The following PEAK1 variants were observed in gnomAD, a reference collection of about 807,000 sequenced individuals.
The protein encoded by PEAK1 is inactive tyrosine-protein kinase PEAK1.
PEAK1 carries 54 observed loss-of-function variants against 124.7 expected under a neutral mutation model. The ratio of observed to expected loss-of-function variants is 0.43; its 90% CI spans 0.35 to 0.54. PEAK1 has a LOEUF of 0.54. PEAK1 is among the 20% of genes least tolerant of loss of function. The pLI, the probability that PEAK1 is intolerant of heterozygous loss-of-function variation, is 0.01. For missense variants in PEAK1, 2,046 were observed against 2,134.5 expected (o/e 0.96, Z 0.82); for synonymous variants, 719 against 760.0 (o/e 0.95, Z 0.89).
intron 9 of PEAK1, among the ~76,000 whole-genome samples, chr15:77,126,093 C>G (rs2052351677): frequency 6.6e-6 from 1 of 152,192 alleles, no homozygotes; most frequent in South Asian, 2.1e-4. Flanking sequence ...ATTGAAAAGA[C>G]ATTAGGACAT....
At chr15:77,392,305 T>C (rs2070533655) in intron 1 of PEAK1, among the ~76,000 whole-genome samples, 1 of 152,236 alleles carries the variant, frequency 6.6e-6, no homozygotes, top group Non-Finnish European at 1.5e-5. Flanking sequence ...GTTACCTGTG[T>C]AGCTTAGATC....
rs78644286 is a variant in PEAK1, at chr15:77,310,437, A to G, written c.-602-23933T>C. 4.1e-3 allele frequency among the ~76,000 whole-genome samples: 628 copies of G among 152,274 alleles called. 6 individuals are homozygous for G. The highest frequency in any genetic ancestry group is 0.014 in the African/African-American group (597 of 41,556). On this transcript the variant is annotated intron_variant, in intron 2 of 9. Coordinates refer to ENST00000682557, the MANE Select transcript of PEAK1 (RefSeq NM_001385026.1). ...ATCAAAGCACAAAAAATAAACCACAACTAAAAATTAGAGAACAAATGGCTT... is the reference window on the plus strand; with the variant it reads ...ATCAAAGCACAAAAAATAAACCACAGCTAAAAATTAGAGAACAAATGGCTT...
At chr15:77,139,290 G>C (rs529808822) in intron 8 of PEAK1, among the ~76,000 whole-genome samples, 1 of 152,164 alleles carries the variant, frequency 6.6e-6, no homozygotes, top group Non-Finnish European at 1.5e-5. Flanking sequence ...ACCTCCTGAA[G>C]GACATGCCTG....
chr15:77,257,743 T>C (rs2061232383), intron 5 of PEAK1, among the ~76,000 whole-genome samples: 1 of 152,196 alleles, frequency 6.6e-6, no homozygotes, highest in Admixed American at 6.5e-5. Context: ...TAGATCCCAT[T>C]TGTCAATTTT....
At chr15:77,137,115 G>A (rs62008360) in intron 8 of PEAK1, among the ~76,000 whole-genome samples, 11,684 of 152,336 alleles carry the variant, frequency 0.077, 557 homozygotes, top group Non-Finnish European at 0.1. Flanking sequence ...GTCAAGAACT[G>A]GGGTTTGGGA....
rs140186165 is a variant in PEAK1 at position 77,354,260 on chromosome 15, A to G, written c.-603+10903T>C. Among the ~76,000 whole-genome samples, 660 of 152,316 alleles carry G rather than the reference A, an allele frequency of 4.3e-3. 6 individuals carry two copies. The highest frequency in any genetic ancestry group is 0.015 in the African/African-American group (625 of 41,558). On this transcript the variant is annotated intron_variant, in intron 2 of 9. Transcript: ENST00000682557. ...GGAAACAAATAGTGCCACACCCATT[A>G]AATTGCCCAACTTGAGAGTCATCTC...
At chr15:77,314,012 A>T (rs1016372734) in intron 2 of PEAK1, among the ~76,000 whole-genome samples, 1 of 152,088 alleles carries the variant, frequency 6.6e-6, no homozygotes, top group African/African-American at 2.4e-5. Context: ...TGCTGACAGT[A>T]TATACCCTTG....
rs1015850266 is a variant in PEAK1, at chr15:77,351,887, A to G, written c.-603+13276T>C. The G allele has an allele frequency of 2.3e-5, 23 of 985,346 alleles. 1 individual carries two copies. The Admixed American group carries it at 8.6e-4, about 37-fold the overall frequency. 61.0% of individuals were successfully genotyped at this position (985,346 alleles called of 1,614,324 possible). A position where few individuals can be genotyped will look rare whatever the true frequency, so the allele number is the denominator to read the frequency against. The stretch of plus-strand genomic sequence containing the variant: ...AAGAAAAGGACAGACCAGAAAGAAT[A>G]AAGTCTAAAGGTAATGAAGTCTGGT... On this transcript the variant is annotated intron_variant, in intron 2 of 9. Coordinates refer to ENST00000682557, the MANE Select transcript of PEAK1 (RefSeq NM_001385026.1).
At chr15:77,140,669 C>T (rs2053705382) in intron 8 of PEAK1, among the ~76,000 whole-genome samples, 1 of 151,908 alleles carries the variant, frequency 6.6e-6, no homozygotes, top group Non-Finnish European at 1.5e-5. Flanking sequence ...GGAAATTTCT[C>T]CTGTAATATC....
intron 6 of PEAK1, among the ~76,000 whole-genome samples, chr15:77,231,406 G>T (rs2059905166): frequency 6.6e-6 from 1 of 152,156 alleles, no homozygotes; most frequent in Admixed American, 6.5e-5. Context: ...TTCAAGACAG[G>T]TGCAAATTGA....
At position 77,115,160 on chromosome 15, in the gene PEAK1, T is replaced by G. The variant is rs2051249223; in HGVS notation, c.4237A>C (p.Lys1413Gln). 5 of 1,614,138 alleles carry G rather than the reference T, an allele frequency of 3.1e-6. No individual in the cohort carries two copies. In the East Asian group the frequency reaches 1.1e-4, roughly 36 times the overall value. Residue 1413 changes from lysine to glutamine, a missense_variant, in exon 10 of 10, where the codon AAG (lysine) becomes CAG (glutamine). By Grantham distance (53) the Lys-to-Gln change is moderately conservative. Transcript: ENST00000682557. ...LPWEDPDDPE[K>Q]DEDDMEETEE... ...GTCTCTTCCATGTCATCCTCATCCT[T>G]TTCAGGGTCATCTGGATCCTCCCAG...
Position 77,180,809 on chromosome 15 carries a change from T to C in PEAK1, c.1118A>G (p.Asn373Ser), listed in dbSNP as rs779349943. ...CTTCATGTCCTTAGAATCTCCTGGG[T>C]TACCAGGAGATAATCCCCCATTACA... ...KICNGGLSPG[N>S]PGDSKDMKEI... The change falls in exon 7 of 10, where the codon AAC (asparagine) becomes AGC (serine). Residue 373 changes from asparagine (N) to serine (S), a missense_variant. Physicochemically the swap from Asn to Ser is conservative, Grantham distance 46. Coordinates refer to ENST00000682557, the MANE Select transcript of PEAK1 (RefSeq NM_001385026.1). The C allele has an allele frequency of 6.2e-7, 1 of 1,613,696 alleles. No individual in the cohort carries two copies. The highest frequency in any genetic ancestry group is 1.1e-5 in the South Asian group (1 of 91,074).
At chr15:77,419,033 T>C in intron 1 of PEAK1, 1 of 985,378 alleles carries the variant, frequency 1.0e-6, no homozygotes, top group Non-Finnish European at 1.2e-6. Flanking sequence ...TCAATTAGGT[T>C]TTCTATAGCA....
At chr15:77,136,923 T>C (rs1429730011) in intron 8 of PEAK1, among the ~76,000 whole-genome samples, 1 of 152,174 alleles carries the variant, frequency 6.6e-6, no homozygotes, top group Non-Finnish European at 1.5e-5. Context: ...AAAAAAGTAG[T>C]TTCGTGGGCC....
At chr15:77,149,639 C>T (rs964200252) in intron 8 of PEAK1, among the ~76,000 whole-genome samples, 1 of 152,122 alleles carries the variant, frequency 6.6e-6, no homozygotes, top group Non-Finnish European at 1.5e-5. Flanking sequence ...TTGGAGTCAA[C>T]TTTATTACCT....
chr15:77,379,635 C>A (rs1300855558), intron 1 of PEAK1, among the ~76,000 whole-genome samples: 3 of 152,058 alleles, frequency 2.0e-5, no homozygotes, highest in African/African-American at 7.2e-5. Context: ...CTGTTCACTG[C>A]CAACCCAAGG....
At chr15:77,397,834 C>T (rs769873968) in intron 1 of PEAK1, among the ~76,000 whole-genome samples, 9 of 151,908 alleles carry the variant, frequency 5.9e-5, no homozygotes, top group South Asian at 4.2e-4. Context: ...CCAAGGTGGG[C>T]GGATCACCTG....
At chr15:77,420,873 G>GAAGAATTTTTGTCCAGCTGTGA (rs1450606344), upstream of PEAK1, 5 of 398,708 alleles carry the variant, frequency 1.3e-5, no homozygotes, top group Non-Finnish European at 2.2e-5. Context: ...AAGTGCTGCG[G>GAAGAATTTTTGTCCAGCTGTGA]AAGAATTTTT....
chr15:77,202,665 G>A (rs2058423647), intron 6 of PEAK1, among the ~76,000 whole-genome samples: 1 of 150,270 alleles, frequency 6.7e-6, no homozygotes, highest in Admixed American at 6.6e-5. Flanking sequence ...AGCTACTCAG[G>A]AGGCTGAGGC....
Sources: allele counts gnomAD v4.1 joint callset (sites outside exome capture counted in the v4.1 genomes callset), GRCh38; gene constraint gnomAD v4.1.1; transcripts MANE v1.5; gene names NCBI Gene and HGNC (gene_info 2026-07-23, HGNC 2026-07-21).